Variants in MRPS30 observed in about 807,000 individuals in gnomAD.
The protein encoded by MRPS30 is large ribosomal subunit protein mL65.
A neutral mutation model predicts 43.8 loss-of-function variants in MRPS30; 42 were observed. The observed-to-expected ratio is 0.96, with a 90% confidence interval of 0.75 to 1.24. The LOEUF (loss-of-function observed/expected upper bound fraction) is 1.24, where lower values mean the gene tolerates loss of function less well. Ranked by LOEUF, MRPS30 falls within the 50% of genes most tolerant of loss-of-function variation. MRPS30 has a pLI of 0.00. For missense variants in MRPS30, 638 were observed against 570.0 expected, an observed-to-expected ratio of 1.12 and a Z score of -1.22; for synonymous variants, 273 against 228.2, an observed-to-expected ratio of 1.20 and a Z score of -1.77.
Position 44,815,142 on chromosome 5 carries a change from G to C in MRPS30, c.1260G>C (p.Gln420His). Residue 420 changes from glutamine to histidine, a missense_variant, in exon 5 of 5, where the codon CAG becomes CAC. By Grantham distance (24) the Gln-to-His change is conservative. Coordinates refer to ENST00000507110, the MANE Select transcript of MRPS30 (RefSeq NM_016640.4). ...GTTTTAATGATGATGTTCTACTTCA[G>C]ATAGTTCACTTTCTACTGAATAGAC... is the stretch of plus-strand genomic sequence containing the variant. ...VKGFNDDVLL[Q>H]IVHFLLNRPK... 6.2e-7 allele frequency: 1 copy of C among 1,612,918 alleles called. No individual in the cohort carries two copies. Among genetic ancestry groups the C allele is most frequent in the Non-Finnish European group, 8.5e-7 (1 of 1,179,582 alleles).
At chr5:44,809,673 T>A in intron 1 of MRPS30, 110 bp downstream of exon 1, 1 of 1,247,156 alleles carries the variant, frequency 8.0e-7, no homozygotes, top group Non-Finnish European at 1.1e-6. Context: ...TCGTTCATGT[T>A]TTCCTAGTCC....
chr5:44,811,192 C>A, intron 2 of MRPS30, 38 bp downstream of exon 2: 1 of 1,600,990 alleles, frequency 6.2e-7, no homozygotes, highest in Non-Finnish European at 8.5e-7. Context: ...ATTGATATCT[C>A]GTGTAGGATT....
intron 3 of MRPS30, among the ~76,000 whole-genome samples, 182 bp from the exon 4 acceptor site, chr5:44,812,924 G>T (rs1307804576): frequency 6.6e-6 from 1 of 151,894 alleles, no homozygotes; most frequent in African/African-American, 2.4e-5. Context: ...ATGCTTTCCT[G>T]TGAAATTTAA....
chr5:44,815,030 C>T lies in MRPS30; in HGVS notation c.1148C>T (p.Ala383Val). ...AATACTTTGGCACTGACTACACAAG[C>T]TGATCAAAATAACCCTCGTAAAAAT... ...QLNTLALTTQ[A>V]DQNNPRKNIC... Residue 383 changes from alanine (A) to valine (V), a missense_variant, in exon 5 of 5, where the codon GCT becomes GTT. By Grantham distance (64) the Ala-to-Val change is moderately conservative. Coordinates refer to ENST00000507110, the MANE Select transcript of MRPS30 (RefSeq NM_016640.4). 1 of 1,613,812 alleles carries T rather than the reference C, an allele frequency of 6.2e-7. No homozygotes were observed.
intron 4 of MRPS30, among the ~76,000 whole-genome samples, chr5:44,814,019 A>G (rs1431129054): frequency 1.3e-5 from 2 of 152,178 alleles, no homozygotes; most frequent in Non-Finnish European, 2.9e-5. Flanking sequence ...AAATCTGGGT[A>G]AAGACACTTC....
At chr5:44,810,946 C>A in intron 1 of MRPS30, 63 bp from the exon 2 acceptor site, 1 of 1,468,220 alleles carries the variant, frequency 6.8e-7, no homozygotes, top group Non-Finnish European at 9.4e-7. Context: ...CTTTAGTGTT[C>A]TAATAGTAAC....
At chr5:44,809,743 A>G in intron 1 of MRPS30, 180 bp downstream of exon 1, 1 of 660,256 alleles carries the variant, frequency 1.5e-6, no homozygotes, top group Non-Finnish European at 2.5e-6. Context: ...GAATCTAGAG[A>G]CTAGGTGTGT....
In MRPS30 at chr5:44,809,132, C is replaced by G; in HGVS notation, c.170C>G (p.Ala57Gly). Residue 57 changes from alanine to glycine, a missense_variant, in exon 1 of 5, where the codon GCT (alanine) becomes GGT (glycine). Transcript: ENST00000507110. ...IVASMTADSK[A>G]ARLRRIERWQ... ...GCCTCCATGACAGCCGACAGCAAAG[C>G]TGCACGGCTGCGGCGGATCGAGCGC... 3.7e-6 allele frequency: 6 copies of G among 1,611,948 alleles called. No homozygotes were observed. The highest frequency in any genetic ancestry group is 5.1e-6 in the Non-Finnish European group (6 of 1,179,462).
Position 44,815,496 on chromosome 5 carries a change from A to T in MRPS30, c.*294A>T. On this transcript the variant is annotated 3_prime_UTR_variant, in exon 5 of 5. Transcript: ENST00000507110. ...TAATATAAATGCAGAAATCCCAAAT[A>T]AAATGCTAACATACTGAATTCAGTA... 8.3e-6 allele frequency: 2 copies of T among 241,988 alleles called. No homozygotes were observed. Among genetic ancestry groups the T allele is most frequent in the Non-Finnish European group, 1.6e-5 (2 of 124,466 alleles). 15.0% of individuals were successfully genotyped at this position (241,988 alleles called of 1,614,324 possible).
Position 44,808,966 on chromosome 5 carries a change from G to C in MRPS30, c.4G>C (p.Ala2Pro). ...GGGTCCGGAATCGCGGGCAAAGATG[G>C]CGGCGGCCAGGTGTTGGAGGCCTTT... MAAARCWRPLLR... is the reference protein window; with the variant it reads MPAARCWRPLLR... Residue 2 changes from alanine to proline, a missense_variant, in exon 1 of 5, where the codon GCG becomes CCG. Transcript: ENST00000507110. The C allele has an allele frequency of 1.9e-6, 3 of 1,591,682 alleles. No homozygotes were observed. Among genetic ancestry groups the C allele is most frequent in the Non-Finnish European group, 2.6e-6 (3 of 1,170,318 alleles).
In MRPS30 at chr5:44,809,580, GCCCCA is replaced by G; in HGVS notation, c.601+18_601+22del. On this transcript the variant is annotated intron_variant, in intron 1 of 4. Transcript: ENST00000507110. ...CCGCCCTCGGTGAGCCTTGGATTCCGCCCCAGGGCGGAAGGGAGAGATGGGGATTG... is the reference window on the plus strand; with the variant it reads ...CCGCCCTCGGTGAGCCTTGGATTCCGGGGCGGAAGGGAGAGATGGGGATTG... 6.4e-7 allele frequency: 1 copy of G among 1,567,304 alleles called. No individual in the cohort carries two copies. Among genetic ancestry groups the G allele is most frequent in the Non-Finnish European group, 8.6e-7 (1 of 1,159,070 alleles).
chr5:44,812,089 G>A, intron 3 of MRPS30, 69 bp downstream of exon 3: 1 of 1,061,820 alleles, frequency 9.4e-7, no homozygotes, highest in Non-Finnish European at 1.4e-6. Context: ...TTGGAGTATT[G>A]ACTACAATGA....
In MRPS30 at chr5:44,809,530, C is replaced by T. The variant is rs765371454; in HGVS notation, c.568C>T (p.Pro190Ser). 1 of 1,609,200 alleles carries T rather than the reference C, an allele frequency of 6.2e-7. No individual in the cohort carries two copies. Among genetic ancestry groups the T allele is most frequent in the Non-Finnish European group, 8.5e-7 (1 of 1,177,808 alleles). ...GTCAACCCTCGTGGGCCTCCTCAGC[C>T]CACACAACCCGGCCCTGGCCGCTGC... ...LVSTLVGLLS[P>S]HNPALAAAAL... The change falls in exon 1 of 5, where the codon CCA (proline) becomes TCA (serine). Residue 190 changes from proline to serine, a missense_variant. Physicochemically the swap from Pro to Ser is moderately conservative, Grantham distance 74. Coordinates refer to ENST00000507110, the MANE Select transcript of MRPS30 (RefSeq NM_016640.4).
intron 1 of MRPS30, 142 bp downstream of exon 1, chr5:44,809,705 C>A: frequency 1.0e-6 from 1 of 964,272 alleles, no homozygotes. Context: ...TCTGGGGTGG[C>A]CTGGTTTTGT....
intron 4 of MRPS30, among the ~76,000 whole-genome samples, chr5:44,814,038 A>G (rs1465943925): frequency 6.6e-6 from 1 of 152,140 alleles, no homozygotes; most frequent in Non-Finnish European, 1.5e-5. Context: ...TCCAGGCAAA[A>G]GGATCAGCAA....
Position 44,809,728 on chromosome 5 carries a change from G to T in MRPS30, c.601+165G>T, listed in dbSNP as rs1742798042. 30 of 726,202 alleles carry T rather than the reference G, an allele frequency of 4.1e-5. 1 individual carries two copies. The South Asian group carries it at 5.8e-4, about 14-fold the overall frequency. The allele number at this position is 726,202 out of a possible 1,614,324, so 45.0% of individuals were successfully genotyped here. On this transcript the variant is annotated intron_variant, in intron 1 of 4. Coordinates refer to ENST00000507110, the MANE Select transcript of MRPS30 (RefSeq NM_016640.4). ...GGCCTGGTTTTGTAACAGTCACTGCGTTAGGAATCTAGAGACTAGGTGTGT... is the reference window on the plus strand; with the variant it reads ...GGCCTGGTTTTGTAACAGTCACTGCTTTAGGAATCTAGAGACTAGGTGTGT...
chr5:44,809,807 G>A (rs1742799974), intron 1 of MRPS30: 2 of 501,238 alleles, frequency 4.0e-6, no homozygotes. Flanking sequence ...GAGCTCTCCA[G>A]GATTCCAGTC....
In MRPS30 at chr5:44,814,985, C is replaced by A; in HGVS notation, c.1103C>A (p.Ser368Tyr). 1 of 1,613,776 alleles carries A rather than the reference C, an allele frequency of 6.2e-7. No individual in the cohort carries two copies. Among genetic ancestry groups the A allele is most frequent in the Non-Finnish European group, 8.5e-7 (1 of 1,179,782 alleles). The change falls in exon 5 of 5, where the codon TCC (serine) becomes TAC (tyrosine). Residue 368 changes from serine to tyrosine, a missense_variant. Coordinates refer to ENST00000507110, the MANE Select transcript of MRPS30 (RefSeq NM_016640.4). Reference protein sequence around the residue: ...QAVITDGKYFSFFCYQLNTLA... With the variant: ...QAVITDGKYFYFFCYQLNTLA... ...GTGATCACAGATGGAAAATACTTTT[C>A]CTTTTTCTGCTACCAGCTAAATACT... is the stretch of plus-strand genomic sequence containing the variant.
In MRPS30 at chr5:44,809,806, A is replaced by G. The variant is rs79764620; in HGVS notation, c.601+243A>G. ...TCAACTCTGAAAGCCTGAGCTCTCC[A>G]GGATTCCAGTCCTGGATTCTACTTT... is the stretch of plus-strand genomic sequence containing the variant. On this transcript the variant is annotated intron_variant, in intron 1 of 4. Coordinates refer to ENST00000507110, the MANE Select transcript of MRPS30 (RefSeq NM_016640.4). The G allele has an allele frequency of 5.8e-3, 2,898 of 502,438 alleles. 57 individuals carry two copies. The highest frequency in any genetic ancestry group is 0.052 in the African/African-American group (2,658 of 51,122). 31.1% of individuals were successfully genotyped at this position (502,438 alleles called of 1,614,324 possible).
Sources: gnomAD v4.1 joint callset for allele counts (sites outside exome capture counted in the v4.1 genomes callset) on GRCh38, gnomAD v4.1.1 for gene constraint, MANE v1.5 for transcripts, NCBI Gene and HGNC (gene_info 2026-07-23, HGNC 2026-07-21) for gene names.